The following SYNE1 variants were observed in gnomAD, a reference collection of about 807,000 sequenced individuals.
SYNE1 encodes nesprin-1.
Under a neutral mutation model 1,111.0 loss-of-function variants are expected in SYNE1, and 616 were observed. The ratio of observed to expected loss-of-function variants is 0.55; its 90% confidence interval spans 0.52 to 0.59. SYNE1 has a LOEUF of 0.59. SYNE1 is among the 20% of genes least tolerant of loss of function. SYNE1 has a pLI of 0.00. For missense variants in SYNE1, 10,006 were observed against 10,417.0 expected, an observed-to-expected ratio of 0.96 and a Z score of 1.72; for synonymous variants, 3,855 against 3,825.8, an observed-to-expected ratio of 1.01 and a Z score of -0.28.
In SYNE1 at chr6:152,189,363, C is replaced by T. The variant is rs370445850; in HGVS notation, c.23190G>A (p.Gln7730=). The change falls in exon 128 of 146, where the codon CAG becomes CAA. Residue 7730 remains glutamine (Q), a synonymous_variant. Coordinates refer to ENST00000367255, the MANE Select transcript of SYNE1 (RefSeq NM_182961.4). ...AGAGGGTGTCCTTCAGCAGGCTCAA[C>T]TGGGTCAAGTCATCTGTCCAGCTCC... is the stretch of plus-strand genomic sequence containing the variant. The part of the protein sequence containing the change: ...AVGSWTDDLT[Q]LSLLKDTLSA... 12 of 1,613,976 alleles carry T rather than the reference C, an allele frequency of 7.4e-6. No homozygotes were observed. The highest frequency in any genetic ancestry group is 5.3e-5 in the African/African-American group (4 of 74,906).
chr6:152,221,374 T>G lies in SYNE1; in HGVS notation c.21656+52A>C. 3.1e-6 allele frequency: 5 copies of G among 1,597,548 alleles called. No homozygotes were observed. The South Asian group carries it at 5.5e-5, about 18-fold the overall frequency. Reference sequence around the variant, plus strand: ...TGTCATTGTTTTAATTATATCATTATTTATAATAAGGCTGTGATATAAATA... The same window carrying G: ...TGTCATTGTTTTAATTATATCATTAGTTATAATAAGGCTGTGATATAAATA... On this transcript the variant is annotated intron_variant, in intron 118 of 145. Transcript: ENST00000367255.
At chr6:152,146,547 A>T (rs779739497) in intron 137 of SYNE1, 1 of 152,198 alleles carries the variant, frequency 6.6e-6, no homozygotes, top group Non-Finnish European at 1.5e-5. Context: ...TCTGCTTCAG[A>T]TGCCATATGC....
chr6:152,340,706 C>T lies in SYNE1; in HGVS notation c.12226-1340G>A, dbSNP rs752146511. On this transcript the variant is annotated intron_variant, in intron 74 of 145. Coordinates refer to ENST00000367255, the MANE Select transcript of SYNE1 (RefSeq NM_182961.4). ...TTCTATAATCAGCCTGTTCATAAGC[C>T]GTGGTAAGAAAGTTGGAATTTAAGT... is the stretch of plus-strand genomic sequence containing the variant. Among the ~76,000 whole-genome samples, 99 of 150,158 alleles carry T rather than the reference C, an allele frequency of 6.6e-4. 1 individual carries two copies. In the Middle Eastern group the frequency reaches 0.01, roughly 16 times the overall value.
intron 100 of SYNE1, among the ~76,000 whole-genome samples, chr6:152,263,454 G>A (rs370597835): frequency 7.9e-5 from 12 of 152,128 alleles, no homozygotes; most frequent in East Asian, 3.9e-4. Context: ...GGACTCGTGT[G>A]ATCACAGCTC....
chr6:152,343,312 C>T (rs2096570513), intron 74 of SYNE1, among the ~76,000 whole-genome samples: 1 of 151,310 alleles, frequency 6.6e-6, no homozygotes, highest in Non-Finnish European at 1.5e-5. Context: ...GCGCCTGCCA[C>T]CATGCCCAGC....
chr6:152,481,976 T>A (rs541893978), intron 14 of SYNE1, among the ~76,000 whole-genome samples: 1 of 151,832 alleles, frequency 6.6e-6, no homozygotes, highest in South Asian at 2.1e-4. Context: ...TCTGCGTTGG[T>A]GATTGGGGGA....
At chr6:152,625,062 G>C (rs1212025136) in intron 3 of SYNE1, among the ~76,000 whole-genome samples, 1 of 152,162 alleles carries the variant, frequency 6.6e-6, no homozygotes, top group African/African-American at 2.4e-5. Flanking sequence ...AGGATTCTAG[G>C]AGAATGTTCT....
chr6:152,592,618 T>G (rs1486216118), intron 3 of SYNE1, among the ~76,000 whole-genome samples: 2 of 152,192 alleles, frequency 1.3e-5, no homozygotes, highest in Admixed American at 1.3e-4. Context: ...CTATGTTCAC[T>G]GCCAGGGTGA....
chr6:152,368,643 T>A lies in SYNE1; in HGVS notation c.9807+329A>T, dbSNP rs759129499. On this transcript the variant is annotated intron_variant, in intron 61 of 145. Transcript: ENST00000367255. ...ATTATTTAGAACAAAAAAAATCATGTTTATGATTTGAGTCTTCCAAATCAA... is the reference window on the plus strand; with the variant it reads ...ATTATTTAGAACAAAAAAAATCATGATTATGATTTGAGTCTTCCAAATCAA... 89 of 261,678 alleles carry A rather than the reference T, an allele frequency of 3.4e-4. No individual in the cohort carries two copies. The Middle Eastern group carries it at 5.5e-3, about 16-fold the overall frequency. 16.2% of individuals were successfully genotyped at this position (261,678 alleles called of 1,614,324 possible).
intron 3 of SYNE1, among the ~76,000 whole-genome samples, chr6:152,573,103 G>A (rs2128325369): frequency 6.6e-6 from 1 of 152,180 alleles, no homozygotes; most frequent in South Asian, 2.1e-4. Flanking sequence ...CTTTTCTAAG[G>A]GCGAGGCACT....
At chr6:152,155,792 C>G in intron 132 of SYNE1, 118 bp downstream of exon 132, 1 of 1,246,562 alleles carries the variant, frequency 8.0e-7, no homozygotes, top group Non-Finnish European at 1.2e-6. Context: ...TTTGGGAAGC[C>G]ACAGCTATTT....
Position 152,310,030 on chromosome 6 carries a change from T to C in SYNE1, c.17020-13A>G, listed in dbSNP as rs780958019. On this transcript the variant is annotated splice_polypyrimidine_tract_variant and intron_variant, in intron 89 of 145. Coordinates refer to ENST00000367255, the MANE Select transcript of SYNE1 (RefSeq NM_182961.4). ...CAGACAACAAATGCTGAAAATGCAATTTCATAGTTCAAAAATTTAATATTT... is the reference window on the plus strand; with the variant it reads ...CAGACAACAAATGCTGAAAATGCAACTTCATAGTTCAAAAATTTAATATTT... 1.9e-6 allele frequency: 3 copies of C among 1,612,022 alleles called. No homozygotes were observed. The highest frequency in any genetic ancestry group is 3.3e-5 in the Admixed American group (2 of 59,940).
intron 106 of SYNE1, among the ~76,000 whole-genome samples, chr6:152,243,009 TA>T (rs1330730057): frequency 6.6e-6 from 1 of 152,140 alleles, no homozygotes; most frequent in Non-Finnish European, 1.5e-5. Flanking sequence ...GATATGTCTA[TA>T]AAAAATAAGG....
intron 3 of SYNE1, among the ~76,000 whole-genome samples, chr6:152,544,543 T>TA (rs79123703): frequency 0.039 from 5,344 of 138,056 alleles, 313 homozygotes; most frequent in African/African-American, 0.13. Flanking sequence ...AGAAATGAGT[T>TA]AAAAAAAAAA....
At chr6:152,363,522 TAA>T (rs2096986129) in intron 63 of SYNE1, among the ~76,000 whole-genome samples, 1 of 149,986 alleles carries the variant, frequency 6.7e-6, no homozygotes, top group South Asian at 2.1e-4. Flanking sequence ...AATAAATAAA[TAA>T]ATAAATAAAT....
chr6:152,482,520 T>C (rs1301291305), intron 14 of SYNE1, among the ~76,000 whole-genome samples: 1 of 152,222 alleles, frequency 6.6e-6, no homozygotes, highest in Admixed American at 6.5e-5. Context: ...ACGGCATTTT[T>C]AGTTAGGCCT....
intron 55 of SYNE1, 191 bp from the exon 56 acceptor site, chr6:152,381,553 C>T (rs2097416575): frequency 1.6e-6 from 1 of 631,784 alleles, no homozygotes; most frequent in South Asian, 1.9e-5. Context: ...GTGCCTAAGG[C>T]TTATGGCAAA....
intron 3 of SYNE1, among the ~76,000 whole-genome samples, chr6:152,551,134 C>G (rs752472368): frequency 3.6e-4 from 55 of 152,206 alleles, no homozygotes; most frequent in Non-Finnish European, 7.4e-4. Context: ...AGACAATGAT[C>G]GGATAGTAAA....
At chr6:152,268,524 C>T (rs973478988) in intron 99 of SYNE1, among the ~76,000 whole-genome samples, 1 of 152,050 alleles carries the variant, frequency 6.6e-6, no homozygotes, top group Non-Finnish European at 1.5e-5. Flanking sequence ...GGAAAAGTGG[C>T]TTTTTAAGTT....
Sources: gnomAD v4.1 joint callset for allele counts (sites outside exome capture counted in the v4.1 genomes callset) on GRCh38, gnomAD v4.1.1 for gene constraint, MANE v1.5 for transcripts, NCBI Gene and HGNC (gene_info 2026-07-23, HGNC 2026-07-21) for gene names.